The following ERBB4 variants were observed in gnomAD, a reference collection of about 807,000 sequenced individuals.
ERBB4 encodes the protein erb-b2 receptor tyrosine kinase 4, also known as receptor tyrosine-protein kinase erbB-4.
Under a neutral mutation model 158.0 loss-of-function variants are expected in ERBB4, and 42 were observed. The observed-to-expected ratio is 0.27, with a 90% CI of 0.21 to 0.34. The LOEUF is 0.34. Among genes scored for constraint, ERBB4 ranks in the 10% least tolerant of loss-of-function variants. The probability of loss-of-function intolerance (pLI) is 1.00; values close to 1 mark genes in which losing one functional copy is unlikely to be tolerated. For synonymous variants in ERBB4, 583 were observed against 558.7 expected, an observed-to-expected ratio of 1.04 and a Z score of -0.61; for missense variants, 1,333 against 1,624.1, an observed-to-expected ratio of 0.82 and a Z score of 3.08.
chr2:212,003,219 AGGAAG>A (rs1559294344), intron 2 of ERBB4, among the ~76,000 whole-genome samples: 2 of 58,876 alleles, frequency 3.4e-5, no homozygotes, highest in African/African-American at 9.1e-5. Context: ...GAAAGAAGGA[AGGAAG>A]GAAGGAAGGA....
At chr2:211,857,871 T>C (rs2077910762) in intron 3 of ERBB4, among the ~76,000 whole-genome samples, 1 of 152,192 alleles carries the variant, frequency 6.6e-6, no homozygotes, top group Non-Finnish European at 1.5e-5. Flanking sequence ...CATGTATTTA[T>C]TATAGTAAGA....
chr2:212,151,061 A>C (rs11886035), intron 1 of ERBB4, among the ~76,000 whole-genome samples: 13,958 of 152,148 alleles, frequency 0.092, 1,223 homozygotes, highest in African/African-American at 0.23. Flanking sequence ...AATATTTCAT[A>C]TATTAAATAT....
chr2:211,993,659 C>A (rs1461746626), intron 2 of ERBB4, among the ~76,000 whole-genome samples: 1 of 150,054 alleles, frequency 6.7e-6, no homozygotes, highest in Non-Finnish European at 1.5e-5. Flanking sequence ...TAAAGAACTC[C>A]AAGCATACTA....
chr2:211,630,670 G>A (rs2070082075), intron 16 of ERBB4, 76 bp from the exon 17 acceptor site: 1 of 1,265,890 alleles, frequency 7.9e-7, no homozygotes, highest in Admixed American at 1.9e-5. Flanking sequence ...AAGAGCAGTT[G>A]TACAAGACAT....
chr2:212,244,488 T>G (rs1173495023), intron 1 of ERBB4, among the ~76,000 whole-genome samples: 1 of 152,186 alleles, frequency 6.6e-6, no homozygotes, highest in Non-Finnish European at 1.5e-5. Flanking sequence ...GAATGGGCAT[T>G]GAGAAAGTAA....
At chr2:212,200,079 T>C (rs548728996) in intron 1 of ERBB4, among the ~76,000 whole-genome samples, 1 of 152,322 alleles carries the variant, frequency 6.6e-6, no homozygotes, top group South Asian at 2.1e-4. Flanking sequence ...TTAAAGGTCA[T>C]GGCAGCTGGT....
chr2:211,704,272 G>A, intron 10 of ERBB4, 78 bp from the exon 11 acceptor site: 2 of 939,354 alleles, frequency 2.1e-6, no homozygotes, highest in East Asian at 2.4e-5. Context: ...GAAATATGGT[G>A]AAAATGTGTT....
intron 1 of ERBB4, among the ~76,000 whole-genome samples, chr2:212,441,676 T>C (rs1035988153): frequency 3.3e-5 from 5 of 150,656 alleles, no homozygotes; most frequent in African/African-American, 1.2e-4. Context: ...GCTTTTAATG[T>C]TGCAGCTTGG....
chr2:211,591,408 A>C (rs1349780678), intron 19 of ERBB4, among the ~76,000 whole-genome samples: 1 of 152,166 alleles, frequency 6.6e-6, no homozygotes, highest in African/African-American at 2.4e-5. Context: ...ATTTCCAGAC[A>C]GGCTTTTTGA....
intron 1 of ERBB4, among the ~76,000 whole-genome samples, chr2:212,324,021 A>G (rs1396607919): frequency 2.0e-5 from 3 of 150,306 alleles, no homozygotes; most frequent in African/African-American, 7.3e-5. Context: ...ACTCATACGA[A>G]TTTCCAGAAT....
chr2:212,442,334 T>G (rs892275987), intron 1 of ERBB4, among the ~76,000 whole-genome samples: 1 of 152,160 alleles, frequency 6.6e-6, no homozygotes, highest in African/African-American at 2.4e-5. Context: ...ACCCCTTGAA[T>G]GAAGGGGAGG....
chr2:212,191,358 G>T (rs2082181908), intron 1 of ERBB4, among the ~76,000 whole-genome samples: 1 of 151,848 alleles, frequency 6.6e-6, no homozygotes, highest in African/African-American at 2.4e-5. Flanking sequence ...TACTGCAAAT[G>T]AGTTTTAATG....
intron 20 of ERBB4, among the ~76,000 whole-genome samples, chr2:211,437,744 A>G (rs1205777582): frequency 1.4e-5 from 2 of 138,278 alleles, no homozygotes. Flanking sequence ...AGTTAGCAAG[A>G]GAGCATTTTT....
At chr2:212,297,599 T>C (rs972621393) in intron 1 of ERBB4, among the ~76,000 whole-genome samples, 1 of 151,754 alleles carries the variant, frequency 6.6e-6, no homozygotes, top group South Asian at 2.1e-4. Context: ...ACAGAAAGAC[T>C]TGAAAGATCA....
chr2:211,942,463 C>T (rs570785289), intron 3 of ERBB4, among the ~76,000 whole-genome samples: 6 of 151,958 alleles, frequency 3.9e-5, no homozygotes, highest in Middle Eastern at 3.4e-3. Flanking sequence ...CTCAAGAGAT[C>T]CTCCTGCTTC....
intron 1 of ERBB4, among the ~76,000 whole-genome samples, chr2:212,487,676 G>A (rs1690048707): frequency 6.6e-6 from 1 of 151,794 alleles, no homozygotes; most frequent in Non-Finnish European, 1.5e-5. Context: ...TCAAAGAAAT[G>A]AGAGGCTAAA....
At chr2:211,879,604 G>T (rs2078607018) in intron 3 of ERBB4, among the ~76,000 whole-genome samples, 1 of 152,120 alleles carries the variant, frequency 6.6e-6, no homozygotes, top group African/African-American at 2.4e-5. Context: ...CTGTACCCAA[G>T]ATTAATGTGT....
chr2:211,567,401 T>C (rs1460409159), intron 19 of ERBB4, among the ~76,000 whole-genome samples: 1 of 152,156 alleles, frequency 6.6e-6, no homozygotes, highest in Non-Finnish European at 1.5e-5. Flanking sequence ...AATCAAACAA[T>C]ACATTTGTGC....
chr2:212,377,551 T>C (rs2090366540), intron 1 of ERBB4, among the ~76,000 whole-genome samples: 1 of 151,632 alleles, frequency 6.6e-6, no homozygotes, highest in Non-Finnish European at 1.5e-5. Context: ...AAAAGTACAA[T>C]AAAAATGCAG....
Sources: gnomAD v4.1 joint callset for allele counts (sites outside exome capture counted in the v4.1 genomes callset) on GRCh38, gnomAD v4.1.1 for gene constraint, MANE v1.5 for transcripts, NCBI Gene and HGNC (gene_info 2026-07-23, HGNC 2026-07-21) for gene names.